The following PLCB1 variants were observed in gnomAD, a reference collection of about 807,000 sequenced individuals.
PLCB1 encodes phospholipase C beta 1, also known as 1-phosphatidylinositol 4,5-bisphosphate phosphodiesterase beta-1.
A neutral mutation model predicts 161.8 loss-of-function variants in PLCB1; 46 were observed. That is an observed-to-expected ratio of 0.28 (90% confidence interval 0.22 to 0.36). The LOEUF is 0.36. PLCB1 is among the 10% of genes least tolerant of loss of function. The pLI is 1.00. For synonymous variants in PLCB1, 517 were observed against 503.7 expected, an observed-to-expected ratio of 1.03 and a Z score of -0.35; for missense variants, 1,016 against 1,472.5, an observed-to-expected ratio of 0.69 and a Z score of 5.07.
chr20:8,831,097 C>T (rs920779419), intron 31 of PLCB1: 1 of 152,200 alleles, frequency 6.6e-6, no homozygotes. Context: ...ACGCCCTGCT[C>T]TTATTACTAA....
chr20:8,864,291 G>A (rs1987352699), intron 31 of PLCB1, among the ~76,000 whole-genome samples: 1 of 152,198 alleles, frequency 6.6e-6, no homozygotes, highest in Admixed American at 6.5e-5. Flanking sequence ...GTGATGCCAA[G>A]GAGAGGTAGT....
chr20:8,765,204 C>A lies in PLCB1; in HGVS notation c.2776C>A (p.His926Asn). The part of the protein sequence containing the change: ...QKSFVKLQKK[H>N]YKEMKDLVKR... Reference sequence around the variant, plus strand: ...ATCGTTTGTGAAACTTCAAAAGAAACACTACAAAGAAATGAAAGACCTGGT... The same window carrying A: ...ATCGTTTGTGAAACTTCAAAAGAAAAACTACAAAGAAATGAAAGACCTGGT... The change falls in exon 26 of 32, where the codon CAC (histidine) becomes AAC (asparagine). Residue 926 changes from histidine to asparagine, a missense_variant. His to Asn is a moderately conservative substitution (Grantham distance 68). Around this residue, in one of 10 missense-constraint regions of PLCB1, gnomAD observed 398 missense variants for 445.4 expected, o/e 0.89. Transcript: ENST00000338037. 6.2e-7 allele frequency: 1 copy of A among 1,613,892 alleles called. No individual in the cohort carries two copies. The highest frequency in any genetic ancestry group is 8.5e-7 in the Non-Finnish European group (1 of 1,179,926).
At chr20:8,654,521 C>G (rs16995064) in intron 7 of PLCB1, among the ~76,000 whole-genome samples, 14,952 of 151,898 alleles carry the variant, frequency 0.098, 929 homozygotes, top group East Asian at 0.33. Context: ...TGTCATGTCA[C>G]TCAAAAGCTC....
intron 2 of PLCB1, among the ~76,000 whole-genome samples, chr20:8,251,318 A>G (rs1981131108): frequency 6.6e-6 from 1 of 151,990 alleles, no homozygotes; most frequent in Non-Finnish European, 1.5e-5. Context: ...AACAGTGATG[A>G]TGGTTAGGCC....
chr20:8,417,067 A>C (rs1979319597), intron 3 of PLCB1, among the ~76,000 whole-genome samples: 1 of 95,794 alleles, frequency 1.0e-5, no homozygotes, highest in Non-Finnish European at 2.1e-5. Context: ...ATATATATAT[A>C]TATATATTTT....
At chr20:8,701,655 GCT>G (rs1555784486) in intron 11 of PLCB1, among the ~76,000 whole-genome samples, 1 of 152,144 alleles carries the variant, frequency 6.6e-6, no homozygotes, top group Non-Finnish European at 1.5e-5. Flanking sequence ...CAAAGACAGG[GCT>G]CTTTGTTCTG....
intron 31 of PLCB1, among the ~76,000 whole-genome samples, chr20:8,856,799 G>C (rs1254350198): frequency 6.6e-6 from 1 of 152,158 alleles, no homozygotes; most frequent in African/African-American, 2.4e-5. Flanking sequence ...AAATGGGTGT[G>C]TTCACTTTGT....
chr20:8,700,496 G>A (rs758174888), intron 11 of PLCB1, among the ~76,000 whole-genome samples: 3 of 152,158 alleles, frequency 2.0e-5, no homozygotes, highest in South Asian at 2.1e-4. Flanking sequence ...CCAGAGTCAC[G>A]GGCTGATTGA....
intron 26 of PLCB1, among the ~76,000 whole-genome samples, chr20:8,768,095 GGAGATGGAGGTTGCAGTGAGCC>G (rs1016708814): frequency 2.0e-5 from 3 of 152,098 alleles, no homozygotes; most frequent in African/African-American, 7.2e-5. Context: ...GCTTGAACCA[GGAGATGGAGGTTGCAGTGAGCC>G]GAGATGGTGC....
intron 2 of PLCB1, among the ~76,000 whole-genome samples, chr20:8,359,282 T>C (rs1986463172): frequency 6.6e-6 from 1 of 152,162 alleles, no homozygotes; most frequent in Non-Finnish European, 1.5e-5. Context: ...TAAGTGAGGT[T>C]TTAATGAAAT....
chr20:8,874,702 T>C (rs1987718458), intron 31 of PLCB1, among the ~76,000 whole-genome samples: 1 of 152,010 alleles, frequency 6.6e-6, no homozygotes, highest in Non-Finnish European at 1.5e-5. Flanking sequence ...AACATTGAAA[T>C]TAAGGTAGTT....
intron 3 of PLCB1, among the ~76,000 whole-genome samples, chr20:8,523,579 C>T (rs975104504): frequency 7.0e-5 from 10 of 142,636 alleles, no homozygotes; most frequent in Non-Finnish European, 1.2e-4. Flanking sequence ...TGACCGTGAA[C>T]GAATCTAGCA....
At chr20:8,443,719 C>A (rs1328290350) in intron 3 of PLCB1, among the ~76,000 whole-genome samples, 1 of 152,168 alleles carries the variant, frequency 6.6e-6, no homozygotes, top group Non-Finnish European at 1.5e-5. Flanking sequence ...TCCCTATTCC[C>A]TTCTGCTTCT....
At chr20:8,258,572 T>C (rs1981539575) in intron 2 of PLCB1, among the ~76,000 whole-genome samples, 1 of 152,140 alleles carries the variant, frequency 6.6e-6, no homozygotes, top group Admixed American at 6.6e-5. Context: ...AAAAATCTGA[T>C]TTGCATAGAC....
intron 2 of PLCB1, among the ~76,000 whole-genome samples, chr20:8,329,092 A>C (rs6133577): frequency 0.075 from 11,398 of 152,278 alleles, 859 homozygotes; most frequent in African/African-American, 0.19. Context: ...GACAAAATTT[A>C]ATTCTGTATT....
chr20:8,428,495 A>G lies in PLCB1; in HGVS notation c.246+57045A>G, dbSNP rs139063221. ...CTTGGCCTCCCAAAGTGTTGGGATT[A>G]TAGGCATGAGCCACCATGCCCAGCC... is the stretch of plus-strand genomic sequence containing the variant. On this transcript the variant is annotated intron_variant, in intron 3 of 31. Coordinates refer to ENST00000338037, the MANE Select transcript of PLCB1 (RefSeq NM_015192.4). Among the ~76,000 whole-genome samples the G allele has an allele frequency of 1.1e-3, 161 of 152,352 alleles. 1 individual carries two copies. In the East Asian group the frequency reaches 0.022, roughly 21 times the overall value.
At chr20:8,159,710 G>C (rs568263736) in intron 2 of PLCB1, among the ~76,000 whole-genome samples, 1 of 152,046 alleles carries the variant, frequency 6.6e-6, no homozygotes, top group South Asian at 2.1e-4. Flanking sequence ...CCACCAGGCC[G>C]GGCGTGGTGG....
intron 2 of PLCB1, among the ~76,000 whole-genome samples, chr20:8,334,203 C>A (rs1281584425): frequency 1.3e-5 from 2 of 149,518 alleles, no homozygotes; most frequent in African/African-American, 4.9e-5. Context: ...GAGTGAAACT[C>A]CACCTCAAAA....
chr20:8,143,517 T>C (rs61159990), intron 1 of PLCB1, among the ~76,000 whole-genome samples: 6,524 of 152,306 alleles, frequency 0.043, 179 homozygotes, highest in South Asian at 0.12. Context: ...CGGAGACAGA[T>C]GCTAAGCAAA....
Sources: allele counts gnomAD v4.1 joint callset (sites outside exome capture counted in the v4.1 genomes callset), GRCh38; gene constraint gnomAD v4.1.1; regional missense constraint gnomAD v4.1.1; transcripts MANE v1.5; gene names NCBI Gene and HGNC (gene_info 2026-07-23, HGNC 2026-07-21).